The following LLGL2 variants were observed in gnomAD, a reference collection of about 807,000 sequenced individuals.
LLGL2 encodes the protein LLGL2, scribble cell polarity complex component.
In LLGL2, 81 loss-of-function variants were observed where a neutral mutation model predicts 123.2. The observed-to-expected ratio is 0.66, with a 90% confidence interval of 0.55 to 0.79. The LOEUF (loss-of-function observed/expected upper bound fraction) is 0.79. LLGL2 is among the 30% of genes least tolerant of loss of function. The pLI is 0.00. For synonymous variants in LLGL2, 577 were observed against 594.1 expected (o/e 0.97, Z 0.42); for missense variants, 1,273 against 1,414.6 (o/e 0.90, Z 1.61).
At chr17:75,570,639 TCAGA>T in intron 16 of LLGL2, 141 bp downstream of exon 16, 3 of 1,029,910 alleles carry the variant, frequency 2.9e-6, no homozygotes, top group Non-Finnish European at 4.1e-6. Flanking sequence ...TTGTGTGACC[TCAGA>T]CAGGTCACGC....
At chr17:75,543,282 C>T (rs115417974) in intron 1 of LLGL2, 115 bp from the exon 2 acceptor site, 14 of 649,034 alleles carry the variant, frequency 2.2e-5, no homozygotes, top group African/African-American at 2.0e-4. Context: ...GGCCTGGCCC[C>T]GGGGTGGCAG....
chr17:75,530,610 A>G (rs1434213680), intron 1 of LLGL2, among the ~76,000 whole-genome samples: 23 of 149,840 alleles, frequency 1.5e-4, no homozygotes, highest in Non-Finnish European at 3.4e-4. Context: ...AGATCGCGCC[A>G]CTGCACTCCA....
At chr17:75,545,910 T>A (rs2054401635) in intron 2 of LLGL2, among the ~76,000 whole-genome samples, 1 of 152,266 alleles carries the variant, frequency 6.6e-6, no homozygotes, top group African/African-American at 2.4e-5. Context: ...CTGGCTGTGC[T>A]GCGGAGGCTG....
chr17:75,537,550 T>C (rs1219318385), intron 1 of LLGL2, among the ~76,000 whole-genome samples: 1 of 152,020 alleles, frequency 6.6e-6, no homozygotes, highest in Non-Finnish European at 1.5e-5. Flanking sequence ...ACAAAAAAAT[T>C]AGCCAGGCAT....
intron 1 of LLGL2, chr17:75,538,630 T>G (rs1371262268): frequency 1.3e-5 from 2 of 152,214 alleles, no homozygotes. Flanking sequence ...TGTGGGGGAT[T>G]CCACAGGTAA....
chr17:75,573,261 T>A lies in LLGL2; in HGVS notation c.2708T>A (p.Phe903Tyr). 1 of 1,601,930 alleles carries A rather than the reference T, an allele frequency of 6.2e-7. No homozygotes were observed. The highest frequency in any genetic ancestry group is 1.1e-5 in the South Asian group (1 of 90,518). ...EDVSGIASCV[F>Y]TKYGQGFYLI... Reference sequence around the variant, plus strand: ...GTCAGTGGCATCGCCTCCTGCGTCTTCACCAAATATGGCCAAGGTGTTTGA... The same window carrying A: ...GTCAGTGGCATCGCCTCCTGCGTCTACACCAAATATGGCCAAGGTGTTTGA... The change falls in exon 20 of 26, where the codon TTC becomes TAC. Residue 903 changes from phenylalanine (F) to tyrosine (Y), a missense_variant. Phe to Tyr is a conservative substitution (Grantham distance 22). Transcript: ENST00000392550.
chr17:75,570,836 GGTGGCTGGCATGGCT>G, intron 16 of LLGL2, 99 bp from the exon 17 acceptor site: 1 of 1,368,454 alleles, frequency 7.3e-7, no homozygotes, highest in Non-Finnish European at 9.9e-7. Flanking sequence ...AGGCCTGGCA[GGTGGCTGGCATGGCT>G]GTGGCCTGCC....
intron 1 of LLGL2, among the ~76,000 whole-genome samples, chr17:75,527,785 T>C (rs908198145): frequency 4.0e-5 from 6 of 151,702 alleles, no homozygotes; most frequent in African/African-American, 1.5e-4. Flanking sequence ...CTTTTTTTTT[T>C]TCTTTTTTTG....
At chr17:75,556,000 G>A (rs376007135) in intron 2 of LLGL2, 46 bp from the exon 3 acceptor site, 114 of 1,483,574 alleles carry the variant, frequency 7.7e-5, no homozygotes, top group Admixed American at 1.0e-4. Flanking sequence ...ATGGTGGCGC[G>A]AAGGGGACAG....
At chr17:75,532,274 G>A (rs1030919409) in intron 1 of LLGL2, among the ~76,000 whole-genome samples, 19 of 151,546 alleles carry the variant, frequency 1.3e-4, no homozygotes, top group African/African-American at 3.9e-4. Flanking sequence ...GTTTTGAGAC[G>A]GAGACTTGCT....
At chr17:75,532,003 G>T (rs1195278382) in intron 1 of LLGL2, among the ~76,000 whole-genome samples, 3 of 150,380 alleles carry the variant, frequency 2.0e-5, no homozygotes, top group East Asian at 3.9e-4. Context: ...TGATGAGAGG[G>T]ACATCTGGGC....
chr17:75,561,844 C>A (rs1020816154), intron 6 of LLGL2, among the ~76,000 whole-genome samples: 1 of 151,978 alleles, frequency 6.6e-6, no homozygotes, highest in Non-Finnish European at 1.5e-5. Context: ...ATTGCTTGAA[C>A]CCCGGAGGTG....
rs542026747 is a variant in LLGL2 at position 75,550,728 on chromosome 17, C to G, written c.76-5318C>G. The stretch of plus-strand genomic sequence containing the variant: ...CCCGGGAGGAGGAGGTTACAGTGAG[C>G]TGAGATCGTACCACTGCACTCCAGC... On this transcript the variant is annotated intron_variant, in intron 2 of 25. Coordinates refer to ENST00000392550, the MANE Select transcript of LLGL2 (RefSeq NM_001031803.2). Among the ~76,000 whole-genome samples the G allele has an allele frequency of 4.9e-5, 7 of 142,460 alleles. No individual in the cohort carries two copies. The East Asian group carries it at 1.3e-3, about 26-fold the overall frequency. The allele number at this position is 142,460 out of a possible 152,430, so 93.5% of individuals were successfully genotyped here.
chr17:75,563,884 G>A, intron 9 of LLGL2, 78 bp downstream of exon 9: 1 of 1,433,652 alleles, frequency 7.0e-7, no homozygotes, highest in Admixed American at 1.7e-5. Context: ...CCTCTGCCTG[G>A]GAAGTTGGTG....
At chr17:75,562,965 C>T in intron 6 of LLGL2, 51 bp from the exon 7 acceptor site, 1 of 1,598,586 alleles carries the variant, frequency 6.3e-7, no homozygotes, top group Non-Finnish European at 8.5e-7. Flanking sequence ...TGCTGGGGGC[C>T]ATTCCCCCTG....
intron 6 of LLGL2, among the ~76,000 whole-genome samples, chr17:75,560,245 C>G (rs1289519796): frequency 6.6e-6 from 1 of 152,206 alleles, no homozygotes; most frequent in Non-Finnish European, 1.5e-5. Flanking sequence ...CTCTGCCTTT[C>G]CCGTTCAGCA....
Position 75,549,657 on chromosome 17 carries a change from C to T in LLGL2, c.75+6156C>T, listed in dbSNP as rs892020136. 6.6e-5 allele frequency among the ~76,000 whole-genome samples: 10 copies of T among 152,214 alleles called. No homozygotes were observed. Among genetic ancestry groups the T allele is most frequent in the Admixed American group, 2.6e-4 (4 of 15,288 alleles). ...CCAGCCAGTATCGGGCAGAGTGGCCCGGCCAGGCAGGAGTGCTCCCCCAAG... is the reference window on the plus strand; with the variant it reads ...CCAGCCAGTATCGGGCAGAGTGGCCTGGCCAGGCAGGAGTGCTCCCCCAAG... On this transcript the variant is annotated intron_variant, in intron 2 of 25. Coordinates refer to ENST00000392550, the MANE Select transcript of LLGL2 (RefSeq NM_001031803.2). This position sits in a 1 kb window ranked among gnomAD's most constrained non-coding sequence, Gnocchi z 4.0.
chr17:75,565,975 T>C (rs913145164), intron 10 of LLGL2, among the ~76,000 whole-genome samples: 12 of 152,072 alleles, frequency 7.9e-5, no homozygotes, highest in African/African-American at 2.7e-4. Flanking sequence ...TGCCAGATAA[T>C]GTCAGAGGTA....
At chr17:75,557,124 T>G (rs2147356581) in intron 3 of LLGL2, among the ~76,000 whole-genome samples, 1 of 145,932 alleles carries the variant, frequency 6.9e-6, no homozygotes. Context: ...AGCAACTCTC[T>G]CGCCTTGGCC....
Sources: allele counts gnomAD v4.1 joint callset (sites outside exome capture counted in the v4.1 genomes callset), GRCh38; gene constraint gnomAD v4.1.1; non-coding constraint Gnocchi (gnomAD v3.1); transcripts MANE v1.5; gene names NCBI Gene and HGNC (gene_info 2026-07-23, HGNC 2026-07-21).